The following BBS9 variants were observed in gnomAD, a reference collection of about 807,000 sequenced individuals.
BBS9 encodes protein PTHB1.
A neutral mutation model predicts 117.7 loss-of-function variants in BBS9; 89 were observed. The observed-to-expected ratio is 0.76, with a 90% CI of 0.64 to 0.90. BBS9 has a LOEUF of 0.90. Among genes scored for constraint, BBS9 ranks in the 40% least tolerant of loss-of-function variants. The pLI, the probability that BBS9 is intolerant of heterozygous loss-of-function variation, is 0.00. For missense variants in BBS9, 982 were observed against 1,042.2 expected (o/e 0.94, Z 0.80); for synonymous variants, 379 against 370.9 (o/e 1.02, Z -0.25).
At chr7:33,268,427 TC>T (rs1371894216) in intron 7 of BBS9, among the ~76,000 whole-genome samples, 1 of 152,200 alleles carries the variant, frequency 6.6e-6, no homozygotes, top group Non-Finnish European at 1.5e-5. Context: ...AGGTTCTTCT[TC>T]CCTGCACTAT....
intron 21 of BBS9, among the ~76,000 whole-genome samples, chr7:33,548,172 A>G (rs1234787088): frequency 6.6e-6 from 1 of 152,192 alleles, no homozygotes; most frequent in Non-Finnish European, 1.5e-5. Flanking sequence ...GCAGATGTTT[A>G]TACTAATGTG....
chr7:33,538,311 T>C (rs1053407172), intron 21 of BBS9, among the ~76,000 whole-genome samples: 1 of 152,224 alleles, frequency 6.6e-6, no homozygotes, highest in African/African-American at 2.4e-5. Context: ...GAAAAAGTTA[T>C]CATTTTGAGA....
chr7:33,555,380 A>G (rs1335110895), intron 21 of BBS9, among the ~76,000 whole-genome samples: 1 of 152,204 alleles, frequency 6.6e-6, no homozygotes, highest in African/African-American at 2.4e-5. Context: ...GGCAATGGAA[A>G]AATAATGGTG....
intron 18 of BBS9, among the ~76,000 whole-genome samples, chr7:33,384,406 A>G (rs1039301109): frequency 3.9e-5 from 6 of 152,216 alleles, no homozygotes; most frequent in African/African-American, 7.2e-5. Context: ...AAGTGCCTTC[A>G]GAGCCTATGT....
chr7:33,529,587 C>A (rs1446333445), intron 20 of BBS9, among the ~76,000 whole-genome samples: 1 of 152,074 alleles, frequency 6.6e-6, no homozygotes, highest in Non-Finnish European at 1.5e-5. Context: ...TAACTAACAC[C>A]TTCTCCCTTC....
chr7:33,343,852 GT>G (rs199926251), intron 11 of BBS9, among the ~76,000 whole-genome samples: 10,293 of 152,014 alleles, frequency 0.068, 388 homozygotes, highest in African/African-American at 0.08. Context: ...TTAGCTGCAT[GT>G]CTTAGATACA....
At chr7:33,594,541 A>AT (rs371134668) in intron 21 of BBS9, among the ~76,000 whole-genome samples, 1 of 151,990 alleles carries the variant, frequency 6.6e-6, no homozygotes, top group Admixed American at 6.6e-5. Flanking sequence ...ATAGAAAGGC[A>AT]TTTTTTTCTG....
intron 19 of BBS9, among the ~76,000 whole-genome samples, chr7:33,474,698 A>T (rs1841556179): frequency 6.6e-6 from 1 of 152,232 alleles, no homozygotes; most frequent in Non-Finnish European, 1.5e-5. Flanking sequence ...CTGTAATCGC[A>T]GCACTTTGGG....
At chr7:33,198,486 A>G (rs1370977939) in intron 5 of BBS9, among the ~76,000 whole-genome samples, 1 of 152,022 alleles carries the variant, frequency 6.6e-6, no homozygotes, top group Non-Finnish European at 1.5e-5. Context: ...GAAAAGGAAA[A>G]TGTTAAGTAG....
chr7:33,231,848 T>C (rs972121229), intron 5 of BBS9, among the ~76,000 whole-genome samples: 4 of 152,082 alleles, frequency 2.6e-5, no homozygotes, highest in African/African-American at 9.7e-5. Context: ...TTGGTCTAGG[T>C]AATTCTTTGT....
chr7:33,171,392 G>A (rs1796550320), intron 4 of BBS9, among the ~76,000 whole-genome samples: 1 of 152,138 alleles, frequency 6.6e-6, no homozygotes, highest in Admixed American at 6.5e-5. Context: ...GGGAAAACTG[G>A]CTAGCCATAT....
intron 21 of BBS9, among the ~76,000 whole-genome samples, chr7:33,558,883 A>T (rs566778303): frequency 6.6e-6 from 1 of 152,200 alleles, no homozygotes; most frequent in African/African-American, 2.4e-5. Flanking sequence ...TGACTAATGA[A>T]TTTTTTAAAA....
chr7:33,218,875 C>A (rs189464583), intron 5 of BBS9, among the ~76,000 whole-genome samples: 270 of 152,386 alleles, frequency 1.8e-3, no homozygotes, highest in African/African-American at 6.2e-3. Flanking sequence ...ACTTTGGCGG[C>A]ACTTGAGGAG....
At chr7:33,293,701 G>C (rs1035530663) in intron 9 of BBS9, among the ~76,000 whole-genome samples, 1 of 151,846 alleles carries the variant, frequency 6.6e-6, no homozygotes, top group African/African-American at 2.4e-5. Context: ...TCAATATATA[G>C]AACCTATCTC....
At chr7:33,187,257 A>T (rs1783282075) in intron 5 of BBS9, among the ~76,000 whole-genome samples, 1 of 152,258 alleles carries the variant, frequency 6.6e-6, no homozygotes, top group South Asian at 2.1e-4. Context: ...TACTTCTTGT[A>T]GTCTATGTAG....
intron 4 of BBS9, among the ~76,000 whole-genome samples, chr7:33,161,472 A>T (rs1201257955): frequency 6.6e-6 from 1 of 152,188 alleles, no homozygotes; most frequent in South Asian, 2.1e-4. Context: ...ATGGCTGCAT[A>T]GTATTCCATG....
intron 2 of BBS9, among the ~76,000 whole-genome samples, chr7:33,150,613 A>C (rs934790071): frequency 2.6e-5 from 4 of 152,212 alleles, no homozygotes; most frequent in Non-Finnish European, 5.9e-5. Context: ...TTGTCAGTAT[A>C]CAGTGATTTA....
intron 19 of BBS9, among the ~76,000 whole-genome samples, chr7:33,502,354 T>C (rs1450931958): frequency 3.9e-5 from 6 of 152,178 alleles, no homozygotes; most frequent in Admixed American, 3.9e-4. Flanking sequence ...CCACCATGGC[T>C]GATTTCAGGC....
Position 33,383,732 on chromosome 7 carries a change from G to A in BBS9, c.1856G>A (p.Arg619His), listed in dbSNP as rs750412402. 22 of 1,611,766 alleles carry A rather than the reference G, an allele frequency of 1.4e-5. 1 individual carries two copies. The highest frequency in any genetic ancestry group is 3.3e-5 in the South Asian group (3 of 90,760). Residue 619 changes from arginine to histidine, a missense_variant, in exon 18 of 23, where the codon CGC (arginine) becomes CAC (histidine). Coordinates refer to ENST00000242067, the MANE Select transcript of BBS9 (RefSeq NM_198428.3). ...CTCATAACCAATGAGCTTATTCTTC[G>A]CCTTCAAGAATATTTTGAAAAACAG... is the stretch of plus-strand genomic sequence containing the variant. ...LWLITNELIL[R>H]LQEYFEKQGV...
Sources: gnomAD v4.1 joint callset for allele counts (sites outside exome capture counted in the v4.1 genomes callset) on GRCh38, gnomAD v4.1.1 for gene constraint, MANE v1.5 for transcripts, NCBI Gene and HGNC (gene_info 2026-07-23, HGNC 2026-07-21) for gene names.